Variants in MAP3K1 observed in about 807,000 individuals in gnomAD.
MAP3K1 encodes mitogen-activated protein kinase kinase kinase 1, also known as MAP/ERK kinase kinase 1.
MAP3K1 carries 36 observed loss-of-function variants against 144.2 expected under a neutral mutation model. That is an observed-to-expected ratio of 0.25 (90% CI 0.19 to 0.33). The LOEUF is 0.33. MAP3K1 is among the 10% of genes least tolerant of loss of function. The probability of loss-of-function intolerance (pLI) is 1.00; values close to 1 mark genes in which losing one functional copy is unlikely to be tolerated. For synonymous variants in MAP3K1, 718 were observed against 688.7 expected (o/e 1.04, Z -0.67); for missense variants, 1,650 against 1,881.9 (o/e 0.88, Z 2.28).
chr5:56,848,713 C>G (rs1747073105), intron 1 of MAP3K1, among the ~76,000 whole-genome samples: 1 of 152,116 alleles, frequency 6.6e-6, no homozygotes, highest in Non-Finnish European at 1.5e-5. Context: ...AATTTTAAAA[C>G]TCAAATGGAG....
At chr5:56,819,340 C>T (rs1746081979) in intron 1 of MAP3K1, among the ~76,000 whole-genome samples, 1 of 152,084 alleles carries the variant, frequency 6.6e-6, no homozygotes, top group Non-Finnish European at 1.5e-5. Context: ...GCACCTCGAG[C>T]ATAATATGTT....
chr5:56,852,893 A>G (rs891525747), intron 1 of MAP3K1, among the ~76,000 whole-genome samples: 1 of 151,898 alleles, frequency 6.6e-6, no homozygotes, highest in Non-Finnish European at 1.5e-5. Context: ...TCACTGCTAT[A>G]TACATACATA....
At position 56,848,403 on chromosome 5, in the gene MAP3K1, G is replaced by A. The variant is rs375664921; in HGVS notation, c.483-8197G>A. 2.2e-4 allele frequency among the ~76,000 whole-genome samples: 33 copies of A among 152,216 alleles called. No homozygotes were observed. In the East Asian group the frequency reaches 2.9e-3, roughly 13 times the overall value. Reference sequence around the variant, plus strand: ...AACATCTGCATGGTGTTACTTCTTAGATCTTTGTTGATTAGAAGTGATAAT... The same window carrying A: ...AACATCTGCATGGTGTTACTTCTTAAATCTTTGTTGATTAGAAGTGATAAT... On this transcript the variant is annotated intron_variant, in intron 1 of 19. Transcript: ENST00000399503.
intron 1 of MAP3K1, among the ~76,000 whole-genome samples, chr5:56,816,822 C>T (rs769923960): frequency 1.3e-5 from 2 of 152,264 alleles, no homozygotes; most frequent in African/African-American, 4.8e-5. Context: ...GGAATGCGAA[C>T]TGCACTGCTA....
intron 3 of MAP3K1, among the ~76,000 whole-genome samples, chr5:56,861,282 A>C (rs1388949974): frequency 6.6e-6 from 1 of 152,118 alleles, no homozygotes; most frequent in East Asian, 1.9e-4. Context: ...AAGAATATTC[A>C]TCATTATTTG....
chr5:56,884,103 C>T (rs1026149063), intron 15 of MAP3K1, among the ~76,000 whole-genome samples: 3 of 151,940 alleles, frequency 2.0e-5, no homozygotes, highest in Admixed American at 2.0e-4. Flanking sequence ...GAGCCGAGAT[C>T]GCACCACTGT....
chr5:56,856,041 G>T (rs754472820), intron 1 of MAP3K1, among the ~76,000 whole-genome samples: 1 of 152,066 alleles, frequency 6.6e-6, no homozygotes, highest in Non-Finnish European at 1.5e-5. Context: ...GTTTGTACTG[G>T]ATAATTTTTA....
At chr5:56,827,481 T>C (rs1156515904) in intron 1 of MAP3K1, among the ~76,000 whole-genome samples, 1 of 152,232 alleles carries the variant, frequency 6.6e-6, no homozygotes, top group African/African-American at 2.4e-5. Flanking sequence ...AGTGTTCTCA[T>C]GGCAAAATGA....
At chr5:56,864,022 TTAA>T (rs1231952343) in intron 3 of MAP3K1, among the ~76,000 whole-genome samples, 1 of 152,222 alleles carries the variant, frequency 6.6e-6, no homozygotes, top group Non-Finnish European at 1.5e-5. Context: ...TTAAAGAAGA[TTAA>T]TAAAGCCTTC....
rs143213227 is a variant in MAP3K1 at position 56,872,242 on chromosome 5, G to A, written c.1423+211G>A. Among the ~76,000 whole-genome samples the A allele has an allele frequency of 3.8e-3, 571 of 152,260 alleles. 7 individuals are homozygous for A. The highest frequency in any genetic ancestry group is 0.013 in the African/African-American group (535 of 41,544). On this transcript the variant is annotated intron_variant, in intron 7 of 19. Transcript: ENST00000399503. ...TGTGTGAGCAAAGAAATGCAATAAA[G>A]TGTGTGTGACATATGTGATAATGGA...
At chr5:56,858,138 G>T (rs554627611) in intron 2 of MAP3K1, among the ~76,000 whole-genome samples, 16 of 152,278 alleles carry the variant, frequency 1.1e-4, no homozygotes, top group African/African-American at 3.4e-4. Flanking sequence ...AGTTAAAAGG[G>T]CATATTACTA....
At chr5:56,862,410 G>A (rs1459644140) in intron 3 of MAP3K1, among the ~76,000 whole-genome samples, 2 of 152,128 alleles carry the variant, frequency 1.3e-5, no homozygotes, top group Non-Finnish European at 1.5e-5. Context: ...ATACTGGGAG[G>A]TATGGTTCAT....
Position 56,887,469 on chromosome 5 carries a change from A to T in MAP3K1, c.4206A>T (p.Ala1402=), listed in dbSNP as rs765579596. 1 of 1,614,198 alleles carries T rather than the reference A, an allele frequency of 6.2e-7. No individual in the cohort carries two copies. Among genetic ancestry groups the T allele is most frequent in the South Asian group, 1.1e-5 (1 of 91,090 alleles). Residue 1402 remains alanine (A), a synonymous_variant, in exon 18 of 20, where the codon GCA becomes GCT. Transcript: ENST00000399503. ...AARLASKGTG[A]GEFQGQLLGT... ...GGTTGGCATCAAAAGGAACTGGTGC[A>T]GGAGAGTTTCAGGGACAATTACTGG...
At chr5:56,830,264 A>G (rs924970366) in intron 1 of MAP3K1, among the ~76,000 whole-genome samples, 1 of 152,232 alleles carries the variant, frequency 6.6e-6, no homozygotes, top group African/African-American at 2.4e-5. Flanking sequence ...AATGTCATAT[A>G]TTTTAATTAC....
At chr5:56,853,986 T>C (rs1201247874) in intron 1 of MAP3K1, among the ~76,000 whole-genome samples, 2 of 152,186 alleles carry the variant, frequency 1.3e-5, no homozygotes, top group African/African-American at 2.4e-5. Context: ...AGAAGCCTCG[T>C]TAGGAGCCTG....
Position 56,887,366 on chromosome 5 carries a change from G to A in MAP3K1, c.4115-12G>A. The A allele has an allele frequency of 1.2e-6, 2 of 1,614,076 alleles. No individual in the cohort carries two copies. Among genetic ancestry groups the A allele is most frequent in the Non-Finnish European group, 1.7e-6 (2 of 1,179,966 alleles). The stretch of plus-strand genomic sequence containing the variant: ...TTTAACATACAAGGTCATTTGCTGT[G>A]TTTGTTGACAGGTGCCAATTTGCTA... On this transcript the variant is annotated splice_polypyrimidine_tract_variant and intron_variant, in intron 17 of 19. Transcript: ENST00000399503.
At chr5:56,875,475 A>T (rs1747995908) in intron 10 of MAP3K1, among the ~76,000 whole-genome samples, 165 bp downstream of exon 10, 1 of 152,018 alleles carries the variant, frequency 6.6e-6, no homozygotes, top group Admixed American at 6.6e-5. Flanking sequence ...TGTTTTGTTT[A>T]TTTGAATTTT....
intron 1 of MAP3K1, among the ~76,000 whole-genome samples, chr5:56,826,450 A>T (rs1181709111): frequency 1.3e-5 from 2 of 151,798 alleles, no homozygotes; most frequent in Non-Finnish European, 2.9e-5. Flanking sequence ...AGTGAATCAG[A>T]TTTTCTTATT....
chr5:56,844,225 T>A (rs1019573277), intron 1 of MAP3K1, among the ~76,000 whole-genome samples: 1 of 136,778 alleles, frequency 7.3e-6, no homozygotes, highest in Non-Finnish European at 1.5e-5. Context: ...AGTCTCGCTC[T>A]GTCGCCCAGG....
Sources: allele counts gnomAD v4.1 joint callset (sites outside exome capture counted in the v4.1 genomes callset), GRCh38; gene constraint gnomAD v4.1.1; transcripts MANE v1.5; gene names NCBI Gene and HGNC (gene_info 2026-07-23, HGNC 2026-07-21).